Variants in EYA3 observed in about 807,000 individuals in gnomAD.
The protein encoded by EYA3 is protein phosphatase EYA3.
Under a neutral mutation model 80.0 loss-of-function variants are expected in EYA3, and 39 were observed. The ratio of observed to expected loss-of-function variants is 0.49; its 90% confidence interval spans 0.38 to 0.64. EYA3 has a LOEUF of 0.64. Ranked by LOEUF, EYA3 falls within the 30% of genes least tolerant of loss-of-function variation. EYA3 has a pLI of 0.00. For missense variants in EYA3, 523 were observed against 676.1 expected, an observed-to-expected ratio of 0.77 and a Z score of 2.51; for synonymous variants, 206 against 232.8, an observed-to-expected ratio of 0.88 and a Z score of 1.05.
At chr1:28,033,313 A>T (rs1336891333) in intron 6 of EYA3, among the ~76,000 whole-genome samples, 1 of 152,210 alleles carries the variant, frequency 6.6e-6, no homozygotes, top group African/African-American at 2.4e-5. Context: ...AGTCACTTTT[A>T]AAAGTTTTAC....
At chr1:28,070,950 T>G (rs1405728211) in intron 1 of EYA3, among the ~76,000 whole-genome samples, 1 of 152,070 alleles carries the variant, frequency 6.6e-6, no homozygotes, top group Non-Finnish European at 1.5e-5. Flanking sequence ...TGAGATGGAG[T>G]CTCCCTCTAT....
chr1:27,989,628 G>T, intron 15 of EYA3, 69 bp downstream of exon 15: 1 of 1,002,112 alleles, frequency 1.0e-6, no homozygotes, highest in Non-Finnish European at 1.5e-6. Context: ...TTAGAGAATG[G>T]CTTATCCTGA....
intron 16 of EYA3, among the ~76,000 whole-genome samples, chr1:27,983,688 G>A (rs952950606): frequency 5.9e-5 from 9 of 151,986 alleles, no homozygotes; most frequent in Admixed American, 1.3e-4. Flanking sequence ...ATGGAGTTTC[G>A]CTCGTTGCCC....
In EYA3 at chr1:27,974,339, G is replaced by A. The variant is rs1481038908; in HGVS notation, c.*127C>T. On this transcript the variant is annotated 3_prime_UTR_variant, in exon 18 of 18. Coordinates refer to ENST00000373871, the MANE Select transcript of EYA3 (RefSeq NM_001990.4). ...GGAGAGAGGGAGAGAGAGAAAGAGA[G>A]AAAGAGAGAGAGATAGAGACAGAGA... The A allele has an allele frequency of 2.9e-5, 17 of 585,568 alleles. No homozygotes were observed. The East Asian group carries it at 4.8e-4, about 17-fold the overall frequency. 36.3% of individuals were successfully genotyped at this position (585,568 alleles called of 1,614,324 possible).
intron 13 of EYA3, 141 bp downstream of exon 13, chr1:27,997,177 CTA>C: frequency 4.1e-6 from 3 of 734,042 alleles, no homozygotes; most frequent in South Asian, 3.4e-5. Context: ...TCACGGTTAA[CTA>C]TGTTTGTTTC....
Position 28,084,353 on chromosome 1 carries a change from T to C in EYA3, c.-69+4171A>G, listed in dbSNP as rs553891032. ...ATGATATGTTCCATTATTTGCTATG[T>C]TATCTGACAGTAAAAGATACCAGTA... On this transcript the variant is annotated intron_variant, in intron 1 of 17. Coordinates refer to ENST00000373871, the MANE Select transcript of EYA3 (RefSeq NM_001990.4). Among the ~76,000 whole-genome samples the C allele has an allele frequency of 7.1e-4, 108 of 151,800 alleles. 3 individuals carry two copies. The South Asian group carries it at 0.022, about 31-fold the overall frequency.
At chr1:28,083,206 T>C (rs758026650) in intron 1 of EYA3, among the ~76,000 whole-genome samples, 1 of 152,206 alleles carries the variant, frequency 6.6e-6, no homozygotes, top group East Asian at 1.9e-4. Flanking sequence ...AGTTTCCTTA[T>C]ATGTAAAATG....
rs376435627 is a variant in EYA3, at chr1:27,989,660, G to A, written c.1418+37C>T. Reference sequence around the variant, plus strand: ...CTGAACTGGAGTAGAAGAATATGTCGCTGAGAGGATGAGACCTAAAAGAAC... The same window carrying A: ...CTGAACTGGAGTAGAAGAATATGTCACTGAGAGGATGAGACCTAAAAGAAC... On this transcript the variant is annotated intron_variant, in intron 15 of 17. Coordinates refer to ENST00000373871, the MANE Select transcript of EYA3 (RefSeq NM_001990.4). 1.1e-5 allele frequency: 15 copies of A among 1,344,232 alleles called. 1 individual carries two copies. Among genetic ancestry groups the A allele is most frequent in the Admixed American group, 3.6e-5 (2 of 55,748 alleles). 83.3% of individuals were successfully genotyped at this position (1,344,232 alleles called of 1,614,324 possible).
chr1:28,048,424 C>A lies in EYA3; in HGVS notation c.36G>T (p.Val12=), dbSNP rs1188653784. 1 of 1,610,868 alleles carries A rather than the reference C, an allele frequency of 6.2e-7. No individual in the cohort carries two copies. Among genetic ancestry groups the A allele is most frequent in the East Asian group, 2.2e-5 (1 of 44,768 alleles). The change falls in exon 3 of 18, where the codon GTG becomes GTT. Residue 12 remains valine (V), a splice_region_variant and synonymous_variant. Coordinates refer to ENST00000373871, the MANE Select transcript of EYA3 (RefSeq NM_001990.4). ...EEEQDLPEQP[V]KKAKMQESGE... Reference sequence around the variant, plus strand: ...CTGATTCCTGCATCTTGGCTTTTTTCACCTGCAAAAATAAATATACAAAGG... The same window carrying A: ...CTGATTCCTGCATCTTGGCTTTTTTAACCTGCAAAAATAAATATACAAAGG...
intron 14 of EYA3, among the ~76,000 whole-genome samples, chr1:27,992,009 A>T (rs1477071053): frequency 6.6e-6 from 1 of 152,238 alleles, no homozygotes; most frequent in Admixed American, 6.5e-5. Context: ...AATAAGCAAC[A>T]AAAAGGGGAA....
rs1014804250 is a variant in EYA3, at chr1:28,088,545, C to T, written c.-90G>A. 6.5e-6 allele frequency: 1 copy of T among 152,964 alleles called. No homozygotes were observed. Among genetic ancestry groups the T allele is most frequent in the Non-Finnish European group, 1.5e-5 (1 of 68,296 alleles). 9.5% of individuals were successfully genotyped at this position (152,964 alleles called of 1,614,324 possible). On this transcript the variant is annotated 5_prime_UTR_variant, in exon 1 of 18. In the 5' UTR this introduces an upstream ATG that the reference lacks. Transcript: ENST00000373871. ...TCACCCAAAGGCTGTAAAAGCCCCA[C>T]AACAGGACATGGAGATCAGTCCAGA...
intron 2 of EYA3, among the ~76,000 whole-genome samples, chr1:28,052,988 G>A (rs1187953277): frequency 2.0e-5 from 3 of 150,742 alleles, no homozygotes; most frequent in South Asian, 2.1e-4. Flanking sequence ...ACCCCATCTC[G>A]ACAAAAAATT....
intron 7 of EYA3, among the ~76,000 whole-genome samples, chr1:28,020,918 G>A (rs1642394304): frequency 6.6e-6 from 1 of 152,060 alleles, no homozygotes; most frequent in Admixed American, 6.6e-5. Flanking sequence ...TGACAATGGA[G>A]CTGCAAAAAC....
intron 10 of EYA3, among the ~76,000 whole-genome samples, chr1:28,008,959 T>G (rs1641494199): frequency 6.6e-6 from 1 of 152,038 alleles, no homozygotes; most frequent in Non-Finnish European, 1.5e-5. Context: ...TCACATCCAT[T>G]AGAATAGCTA....
chr1:28,027,523 GT>G (rs1296443513), intron 7 of EYA3, among the ~76,000 whole-genome samples: 1 of 152,046 alleles, frequency 6.6e-6, no homozygotes, highest in Non-Finnish European at 1.5e-5. Context: ...AAATCAAGGC[GT>G]TTTCTGGACA....
chr1:28,076,942 T>C (rs1354771218), intron 1 of EYA3, among the ~76,000 whole-genome samples: 2 of 150,328 alleles, frequency 1.3e-5, no homozygotes, highest in Non-Finnish European at 3.0e-5. Context: ...GGGTTCTCCA[T>C]GTTGGTCAGG....
At chr1:28,014,721 C>G (rs200744516) in intron 8 of EYA3, among the ~76,000 whole-genome samples, 1 of 87,276 alleles carries the variant, frequency 1.1e-5, no homozygotes, top group Non-Finnish European at 2.8e-5. Context: ...GAGCAAGACT[C>G]TGTCTCAAAA....
At chr1:28,087,529 T>G (rs927532510) in intron 1 of EYA3, among the ~76,000 whole-genome samples, 2 of 152,202 alleles carry the variant, frequency 1.3e-5, no homozygotes, top group African/African-American at 2.4e-5. Flanking sequence ...TATAGTGAAC[T>G]CTTCAGCAGA....
At chr1:28,028,570 TTTC>T (rs920814343) in intron 6 of EYA3, among the ~76,000 whole-genome samples, 14 of 149,512 alleles carry the variant, frequency 9.4e-5, no homozygotes, top group Admixed American at 3.4e-4. Flanking sequence ...ACCCAGATGA[TTTC>T]TTCTTCTTCT....
Sources: gnomAD v4.1 joint callset for allele counts (sites outside exome capture counted in the v4.1 genomes callset) on GRCh38, gnomAD v4.1.1 for gene constraint, MANE v1.5 for transcripts, NCBI Gene and HGNC (gene_info 2026-07-23, HGNC 2026-07-21) for gene names.